The following CADM2 variants were observed in gnomAD, a reference collection of about 807,000 sequenced individuals.
CADM2 encodes immunoglobulin superfamily member 4D.
Under a neutral mutation model 49.8 loss-of-function variants are expected in CADM2, and 12 were observed. That is an observed-to-expected ratio of 0.24 (90% CI 0.15 to 0.39). The LOEUF is 0.39. Ranked by LOEUF, CADM2 falls within the 10% of genes least tolerant of loss-of-function variation. The pLI is 1.00. For missense variants in CADM2, 378 were observed against 492.3 expected (o/e 0.77, Z 2.20); for synonymous variants, 214 against 175.4 (o/e 1.22, Z -1.74).
intron 1 of CADM2, among the ~76,000 whole-genome samples, chr3:85,139,238 T>C (rs2039506929): frequency 6.6e-6 from 1 of 152,204 alleles, no homozygotes; most frequent in African/African-American, 2.4e-5. Context: ...GTTTCAATAA[T>C]GTCAATACAC....
At chr3:85,071,296 A>G (rs1355452761) in intron 1 of CADM2, among the ~76,000 whole-genome samples, 4 of 152,062 alleles carry the variant, frequency 2.6e-5, no homozygotes, top group Admixed American at 1.3e-4. Context: ...GAGAGGGAGA[A>G]TGTCAGGAAA....
At chr3:85,564,761 C>G (rs2062205315) in intron 1 of CADM2, among the ~76,000 whole-genome samples, 2 of 151,944 alleles carry the variant, frequency 1.3e-5, no homozygotes, top group South Asian at 4.2e-4. Flanking sequence ...AAAGGAGGAG[C>G]AACATACTTT....
chr3:86,055,100 T>C (rs1437335168), intron 8 of CADM2, among the ~76,000 whole-genome samples: 1 of 152,208 alleles, frequency 6.6e-6, no homozygotes, highest in Non-Finnish European at 1.5e-5. Flanking sequence ...TATATTTTTT[T>C]CTGATAAAAG....
rs540460284 is a variant in CADM2, at chr3:85,364,183, G to C, written c.62-362339G>C. 2.0e-5 allele frequency among the ~76,000 whole-genome samples: 3 copies of C among 152,152 alleles called. No homozygotes were observed. The South Asian group carries it at 6.2e-4, about 32-fold the overall frequency. ...ATTAGAGTGATATTGCCGTTTTATG[G>C]CTAAATGAATGGTTTTTAAGAGTAT... On this transcript the variant is annotated intron_variant, in intron 1 of 9. Coordinates refer to ENST00000383699, the MANE Select transcript of CADM2 (RefSeq NM_001167675.2).
chr3:85,755,612 C>A (rs2069077817), intron 2 of CADM2, among the ~76,000 whole-genome samples: 1 of 152,058 alleles, frequency 6.6e-6, no homozygotes, highest in East Asian at 1.9e-4. Flanking sequence ...GGAAGCATGG[C>A]TGGGTAAGCC....
intron 1 of CADM2, among the ~76,000 whole-genome samples, chr3:85,151,166 T>C (rs2039911273): frequency 6.6e-6 from 1 of 152,042 alleles, no homozygotes; most frequent in Non-Finnish European, 1.5e-5. Flanking sequence ...AATGTTGCCT[T>C]TGATTTTGGG....
intron 1 of CADM2, among the ~76,000 whole-genome samples, chr3:85,614,444 T>C (rs1469846103): frequency 1.3e-5 from 2 of 151,826 alleles, no homozygotes; most frequent in African/African-American, 2.4e-5. Context: ...ATGTTTCAGT[T>C]TAAAAATTAA....
At chr3:85,747,476 A>G (rs2068663172) in intron 2 of CADM2, among the ~76,000 whole-genome samples, 1 of 152,144 alleles carries the variant, frequency 6.6e-6, no homozygotes, top group South Asian at 2.1e-4. Context: ...AGATACTTGT[A>G]GTACATGATG....
At chr3:85,781,942 G>A (rs1016829661) in intron 2 of CADM2, among the ~76,000 whole-genome samples, 6 of 152,224 alleles carry the variant, frequency 3.9e-5, no homozygotes, top group Non-Finnish European at 7.3e-5. Context: ...GTTATGCACA[G>A]GAAGCATTTT....
chr3:85,982,058 A>G (rs1298449789), intron 8 of CADM2, among the ~76,000 whole-genome samples: 1 of 151,632 alleles, frequency 6.6e-6, no homozygotes, highest in East Asian at 1.9e-4. Context: ...TCACTGGTGT[A>G]AGAAGGTATT....
intron 2 of CADM2, among the ~76,000 whole-genome samples, chr3:85,791,237 G>A (rs1401051958): frequency 6.6e-6 from 1 of 152,000 alleles, no homozygotes; most frequent in Non-Finnish European, 1.5e-5. Context: ...ATTATAAGCC[G>A]GCCTTAATGA....
At chr3:85,569,756 A>C (rs1028200655) in intron 1 of CADM2, among the ~76,000 whole-genome samples, 9 of 151,988 alleles carry the variant, frequency 5.9e-5, no homozygotes, top group African/African-American at 2.2e-4. Flanking sequence ...AATTAGAGTC[A>C]ATGATGTAAC....
chr3:85,810,754 G>A (rs1254432491), intron 3 of CADM2, among the ~76,000 whole-genome samples: 1 of 151,898 alleles, frequency 6.6e-6, no homozygotes, highest in East Asian at 1.9e-4. Context: ...TGACCACGCT[G>A]GTCTCGAACT....
chr3:85,645,239 T>C (rs1034402751), intron 1 of CADM2, among the ~76,000 whole-genome samples: 1 of 152,068 alleles, frequency 6.6e-6, no homozygotes, highest in African/African-American at 2.4e-5. Flanking sequence ...TAGTTGTAGA[T>C]TTTTTCAAGT....
intron 3 of CADM2, among the ~76,000 whole-genome samples, chr3:85,832,579 G>A (rs191411182): frequency 6.6e-6 from 1 of 151,596 alleles, no homozygotes; most frequent in African/African-American, 2.4e-5. Flanking sequence ...TCATGCATGG[G>A]ATCATGTTCT....
chr3:85,385,234 C>T (rs553842947), intron 1 of CADM2, among the ~76,000 whole-genome samples: 4 of 152,048 alleles, frequency 2.6e-5, no homozygotes, highest in Non-Finnish European at 4.4e-5. Context: ...CATGCCCAGG[C>T]GACACACTGT....
chr3:85,713,316 T>C (rs1377412589), intron 1 of CADM2, among the ~76,000 whole-genome samples: 2 of 152,074 alleles, frequency 1.3e-5, no homozygotes, highest in Non-Finnish European at 2.9e-5. Context: ...GGACTAACTT[T>C]TTTGTATTTT....
chr3:85,688,641 C>T (rs780596903), intron 1 of CADM2, among the ~76,000 whole-genome samples: 36 of 150,132 alleles, frequency 2.4e-4, no homozygotes, highest in Non-Finnish European at 3.8e-4. Context: ...GATCTTATCT[C>T]ACTGCAACCT....
At chr3:85,697,795 A>G (rs974367732) in intron 1 of CADM2, among the ~76,000 whole-genome samples, 13 of 152,220 alleles carry the variant, frequency 8.5e-5, no homozygotes, top group African/African-American at 1.4e-4. Context: ...TAACAGATTT[A>G]TGTACATGTA....
Sources: gnomAD v4.1 joint callset for allele counts (sites outside exome capture counted in the v4.1 genomes callset) on GRCh38, gnomAD v4.1.1 for gene constraint, MANE v1.5 for transcripts, NCBI Gene and HGNC (gene_info 2026-07-23, HGNC 2026-07-21) for gene names.